Variants in USP28 observed in about 807,000 individuals in gnomAD.
USP28 encodes ubiquitin carboxyl-terminal hydrolase 28.
USP28 carries 113 observed loss-of-function variants against 145.0 expected under a neutral mutation model. The ratio of observed to expected loss-of-function variants is 0.78; its 90% confidence interval spans 0.67 to 0.91. The LOEUF is 0.91. USP28 is among the 40% of genes least tolerant of loss of function. The pLI, the probability that USP28 is intolerant of heterozygous loss-of-function variation, is 0.00. For missense variants in USP28, 1,201 were observed against 1,289.6 expected (o/e 0.93, Z 1.05); for synonymous variants, 447 against 450.9 (o/e 0.99, Z 0.11).
intron 7 of USP28, 135 bp from the exon 8 acceptor site, chr11:113,832,128 G>T: frequency 1.3e-6 from 1 of 790,528 alleles, no homozygotes; most frequent in South Asian, 1.8e-5. Flanking sequence ...TTTTTGTTTT[G>T]AGACAGGGTC....
At chr11:113,863,216 T>C (rs1359843814) in intron 1 of USP28, among the ~76,000 whole-genome samples, 7 of 152,124 alleles carry the variant, frequency 4.6e-5, no homozygotes, top group Admixed American at 4.6e-4. Flanking sequence ...AAAATTCAGT[T>C]GTGTTTTTAT....
chr11:113,803,013 C>G, intron 23 of USP28, 145 bp downstream of exon 24: 2 of 869,366 alleles, frequency 2.3e-6, no homozygotes, highest in Non-Finnish European at 3.3e-6. Flanking sequence ...AAAACCTGTT[C>G]CAATGTAAAA....
At chr11:113,827,204 G>GC (rs770447414) in intron 11 of USP28, 29 bp downstream of exon 11, 476 of 1,588,338 alleles carry the variant, frequency 3.0e-4, no homozygotes, top group Middle Eastern at 2.6e-3. Context: ...TAATACCTCA[G>GC]GAAAAAAAAA....
intron 13 of USP28, among the ~76,000 whole-genome samples, chr11:113,816,140 A>C (rs116201798): frequency 0.01 from 1,540 of 152,288 alleles, 33 homozygotes; most frequent in African/African-American, 0.036. Context: ...CAGGAATATA[A>C]AATAAGCTTC....
At chr11:113,815,470 T>C in intron 13 of USP28, 88 bp from the exon 14 acceptor site, 2 of 1,252,680 alleles carry the variant, frequency 1.6e-6, no homozygotes, top group Non-Finnish European at 2.2e-6. Flanking sequence ...AGATGCTATA[T>C]GAAAAAGTAC....
intron 12 of USP28, among the ~76,000 whole-genome samples, chr11:113,818,846 G>A (rs551847587): frequency 6.6e-6 from 1 of 151,138 alleles, no homozygotes; most frequent in African/African-American, 2.4e-5. Flanking sequence ...GAGTGACAGA[G>A]TGAGACTCTG....
intron 4 of USP28, 136 bp downstream of exon 4, chr11:113,841,527 G>T (rs1945191331): frequency 1.8e-6 from 1 of 555,376 alleles, no homozygotes; most frequent in Non-Finnish European, 3.2e-6. Flanking sequence ...GTAAGCTAAT[G>T]CAAATTCAAA....
chr11:113,808,511 G>T, intron 17 of USP28, 74 bp from the exon 18 acceptor site: 1 of 1,527,700 alleles, frequency 6.5e-7, no homozygotes, highest in Non-Finnish European at 8.9e-7. Context: ...AAAGCAAGCA[G>T]AATGTATACA....
chr11:113,825,075 C>A (rs1002834572), intron 11 of USP28, among the ~76,000 whole-genome samples: 5 of 151,874 alleles, frequency 3.3e-5, no homozygotes, highest in African/African-American at 1.2e-4. Flanking sequence ...ACCAGCACAC[C>A]TAAAACAATT....
chr11:113,852,528 T>C (rs767072758), exon 3 of USP28: 2 of 1,614,074 alleles, frequency 1.2e-6, no homozygotes, highest in African/African-American at 2.7e-5. Context: ...TTGGCAGCAC[T>C]CCCCTCTACT....
intron 10 of USP28, among the ~76,000 whole-genome samples, chr11:113,827,645 A>G (rs967701051): frequency 2.0e-5 from 3 of 152,186 alleles, no homozygotes; most frequent in Non-Finnish European, 4.4e-5. Flanking sequence ...CCACCCTTGA[A>G]TATGTGAACC....
intron 14 of USP28, 38 bp from the exon 15 acceptor site, chr11:113,813,993 G>A: frequency 6.7e-7 from 1 of 1,491,198 alleles, no homozygotes; most frequent in Non-Finnish European, 9.2e-7. Context: ...TCACTAAAAT[G>A]ATCTCATTCT....
intron 17 of USP28, 44 bp from the exon 18 acceptor site, chr11:113,808,481 A>C (rs1386912343): frequency 1.3e-6 from 2 of 1,599,230 alleles, no homozygotes; most frequent in Non-Finnish European, 1.7e-6. Flanking sequence ...AATGATAAAT[A>C]GTCTAGAACA....
At chr11:113,860,482 C>A (rs1947544406) in intron 1 of USP28, among the ~76,000 whole-genome samples, 1 of 149,982 alleles carries the variant, frequency 6.7e-6, no homozygotes, top group African/African-American at 2.4e-5. Context: ...AAAAACAAAA[C>A]CAACTGAAGA....
intron 5 of USP28, among the ~76,000 whole-genome samples, chr11:113,835,596 A>G (rs954981757): frequency 1.3e-5 from 2 of 152,198 alleles, no homozygotes; most frequent in Non-Finnish European, 2.9e-5. Flanking sequence ...TTGGCTGGTG[A>G]GCTGTATCCT....
intron 5 of USP28, among the ~76,000 whole-genome samples, chr11:113,835,833 C>A (rs1452834422): frequency 1.3e-5 from 2 of 152,226 alleles, no homozygotes; most frequent in African/African-American, 2.4e-5. Context: ...GTAATCCCAG[C>A]ACTTTGGGAG....
chr11:113,800,740 C>A (rs536234967), intron 24 of USP28, among the ~76,000 whole-genome samples: 26 of 152,256 alleles, frequency 1.7e-4, no homozygotes, highest in African/African-American at 6.0e-4. Context: ...CAAGGACAGT[C>A]CACTAATTAA....
chr11:113,816,987 G>A (rs1220203357), intron 13 of USP28, among the ~76,000 whole-genome samples: 1 of 152,168 alleles, frequency 6.6e-6, no homozygotes, highest in Admixed American at 6.5e-5. Context: ...GGCGGGGGAT[G>A]TGTTGGGGAG....
At chr11:113,812,531 G>C in intron 15 of USP28, 27 bp from the exon 16 acceptor site, 2 of 1,594,624 alleles carry the variant, frequency 1.3e-6, no homozygotes, top group Non-Finnish European at 1.7e-6. Context: ...ACATTCCCCA[G>C]TCAGGTGAAG....
Sources: gnomAD v4.1 joint callset for allele counts (sites outside exome capture counted in the v4.1 genomes callset) on GRCh38, gnomAD v4.1.1 for gene constraint, MANE v1.5 for transcripts, NCBI Gene and HGNC (gene_info 2026-07-23, HGNC 2026-07-21) for gene names.